The following CFAP43 variants were observed in gnomAD, a reference collection of about 807,000 sequenced individuals.
CFAP43 encodes the protein cilia- and flagella-associated protein 43.
Under a neutral mutation model 218.9 loss-of-function variants are expected in CFAP43, and 155 were observed. The ratio of observed to expected loss-of-function variants is 0.71; its 90% CI spans 0.62 to 0.81. The LOEUF is 0.81. Among genes scored for constraint, CFAP43 ranks in the 30% least tolerant of loss-of-function variants. CFAP43 has a pLI of 0.00. For synonymous variants in CFAP43, 645 were observed against 681.3 expected (o/e 0.95, Z 0.83); for missense variants, 1,778 against 1,954.3 (o/e 0.91, Z 1.70).
chr10:104,213,063 A>C (rs371362963), intron 4 of CFAP43, among the ~76,000 whole-genome samples: 96 of 152,336 alleles, frequency 6.3e-4, no homozygotes, highest in African/African-American at 2.2e-3. Flanking sequence ...CTGCCCTCAC[A>C]AGGATCTGAT....
chr10:104,229,187 T>C (rs2091380721), intron 2 of CFAP43, among the ~76,000 whole-genome samples: 1 of 152,166 alleles, frequency 6.6e-6, no homozygotes, highest in South Asian at 2.1e-4. Context: ...GTATTATAAA[T>C]TATAGTGAAG....
intron 11 of CFAP43, chr10:104,192,584 T>C (rs1429054266): frequency 1.8e-5 from 6 of 341,618 alleles, no homozygotes; most frequent in African/African-American, 1.3e-4. Context: ...AACATGTCTG[T>C]CGGTAGAGCT....
chr10:104,133,510 G>GAATAT (rs2087293975), intron 35 of CFAP43, 110 bp downstream of exon 35: 1 of 1,184,712 alleles, frequency 8.4e-7, no homozygotes, highest in African/African-American at 1.6e-5. Flanking sequence ...AAACACTCCT[G>GAATAT]GCTTAGAATA....
At chr10:104,219,322 C>A (rs1433282634) in intron 3 of CFAP43, among the ~76,000 whole-genome samples, 1 of 152,184 alleles carries the variant, frequency 6.6e-6, no homozygotes, top group Non-Finnish European at 1.5e-5. Flanking sequence ...TTCCCTCCAT[C>A]CCTACTCCCA....
chr10:104,139,186 C>G (rs940416150), intron 34 of CFAP43, among the ~76,000 whole-genome samples: 5 of 151,742 alleles, frequency 3.3e-5, no homozygotes, highest in African/African-American at 1.2e-4. Flanking sequence ...ATAAAGAGAA[C>G]AAAGAGTGAA....
intron 20 of CFAP43, 79 bp downstream of exon 20, chr10:104,172,331 A>G: frequency 6.5e-7 from 1 of 1,529,956 alleles, no homozygotes; most frequent in South Asian, 1.2e-5. Flanking sequence ...TCACATTATT[A>G]TGAAAAAGTT....
In CFAP43 at chr10:104,194,009, C is replaced by G; in HGVS notation, c.1299G>C (p.Thr433=). The change falls in exon 11 of 38, where the codon ACG becomes ACC. Residue 433 remains threonine, a synonymous_variant. Coordinates refer to ENST00000357060, the MANE Select transcript of CFAP43 (RefSeq NM_025145.7). ...GGGAGGATGGACAGCAAGCCAGAAC[C>G]GTTGCCTGTTTAAAATAAACCCCAG... ...VSKIYLNTLA[T]VLACCPSSLS... 6.2e-7 allele frequency: 1 copy of G among 1,613,276 alleles called. No individual in the cohort carries two copies. The highest frequency in any genetic ancestry group is 1.3e-5 in the African/African-American group (1 of 75,018).
chr10:104,194,428 A>G (rs1172502391), intron 10 of CFAP43, among the ~76,000 whole-genome samples: 1 of 152,144 alleles, frequency 6.6e-6, no homozygotes, highest in Admixed American at 6.5e-5. Flanking sequence ...TTATTTATTT[A>G]TTAGCGATGG....
intron 27 of CFAP43, among the ~76,000 whole-genome samples, chr10:104,157,711 T>C (rs2088623456): frequency 6.7e-6 from 1 of 148,636 alleles, no homozygotes; most frequent in Admixed American, 6.8e-5. Flanking sequence ...CGAATTGGAA[T>C]TGAGTTGGAA....
At chr10:104,213,668 TG>T (rs887421934) in intron 4 of CFAP43, among the ~76,000 whole-genome samples, 3 of 152,130 alleles carry the variant, frequency 2.0e-5, no homozygotes, top group Admixed American at 2.0e-4. Flanking sequence ...CCCGAGTAGC[TG>T]GGACTACAAG....
intron 37 of CFAP43, 59 bp downstream of exon 37, chr10:104,131,272 G>A: frequency 1.3e-6 from 2 of 1,554,332 alleles, no homozygotes; most frequent in Non-Finnish European, 1.7e-6. Flanking sequence ...TACATTTTAG[G>A]ATTACTGATT....
chr10:104,227,816 T>G (rs2091342142), intron 2 of CFAP43, among the ~76,000 whole-genome samples: 1 of 150,422 alleles, frequency 6.6e-6, no homozygotes, highest in Admixed American at 6.6e-5. Context: ...ATCACTCCTC[T>G]ATTCTACCAT....
intron 5 of CFAP43, among the ~76,000 whole-genome samples, chr10:104,210,119 T>C (rs2090808440): frequency 6.6e-6 from 1 of 152,218 alleles, no homozygotes; most frequent in African/African-American, 2.4e-5. Context: ...GAAATAAAAG[T>C]GTGTATATAT....
intron 3 of CFAP43, among the ~76,000 whole-genome samples, chr10:104,218,347 CAAAAAAAAAAA>C (rs68078522): frequency 0.19 from 18,410 of 99,090 alleles, 1,500 homozygotes; most frequent in Non-Finnish European, 0.26. Flanking sequence ...GACTGTGTCT[CAAAAAAAAAAA>C]AAAAAAAAAA....
intron 12 of CFAP43, among the ~76,000 whole-genome samples, chr10:104,189,056 C>G (rs1229806858): frequency 6.6e-6 from 1 of 152,168 alleles, no homozygotes; most frequent in African/African-American, 2.4e-5. Flanking sequence ...TACATAAACT[C>G]AATCTCAACT....
chr10:104,221,225 T>C (rs1240739707), intron 3 of CFAP43, among the ~76,000 whole-genome samples: 1 of 152,182 alleles, frequency 6.6e-6, no homozygotes, highest in Non-Finnish European at 1.5e-5. Context: ...TCCGCCCACC[T>C]TGGCCTCCCA....
chr10:104,172,270 A>G (rs2134847158), intron 20 of CFAP43, 140 bp downstream of exon 20: 1 of 1,032,238 alleles, frequency 9.7e-7, no homozygotes, highest in African/African-American at 1.7e-5. Context: ...TTATACTTAT[A>G]TGCACTATGT....
intron 27 of CFAP43, 106 bp from the exon 28 acceptor site, chr10:104,152,832 T>C: frequency 7.9e-7 from 1 of 1,258,700 alleles, no homozygotes; most frequent in Non-Finnish European, 1.1e-6. Flanking sequence ...GGGCAGCCCT[T>C]GCAAGGTGTT....
At chr10:104,145,900 G>A (rs2087943960) in intron 30 of CFAP43, among the ~76,000 whole-genome samples, 1 of 152,070 alleles carries the variant, frequency 6.6e-6, no homozygotes, top group Admixed American at 6.5e-5. Flanking sequence ...TGTTCCATCT[G>A]TCTTCTTTAT....
Sources: allele counts gnomAD v4.1 joint callset (sites outside exome capture counted in the v4.1 genomes callset), GRCh38; gene constraint gnomAD v4.1.1; transcripts MANE v1.5; gene names NCBI Gene and HGNC (gene_info 2026-07-23, HGNC 2026-07-21).